The following DOCK10 variants were observed in gnomAD, a reference collection of about 807,000 sequenced individuals.
The protein encoded by DOCK10 is dedicator of cytokinesis protein 10.
Under a neutral mutation model 280.1 loss-of-function variants are expected in DOCK10, and 145 were observed. That is an observed-to-expected ratio of 0.52 (90% CI 0.45 to 0.59). The LOEUF (loss-of-function observed/expected upper bound fraction) is 0.59. Ranked by LOEUF, DOCK10 falls within the 20% of genes least tolerant of loss-of-function variation. The probability of loss-of-function intolerance (pLI) is 0.00; values close to 1 mark genes in which losing one functional copy is unlikely to be tolerated. For missense variants in DOCK10, 2,368 were observed against 2,651.7 expected, an observed-to-expected ratio of 0.89 and a Z score of 2.35; for synonymous variants, 915 against 942.2, an observed-to-expected ratio of 0.97 and a Z score of 0.53.
At chr2:224,811,983 G>C (rs1288559507) in intron 31 of DOCK10, among the ~76,000 whole-genome samples, 6 of 151,938 alleles carry the variant, frequency 3.9e-5, no homozygotes, top group South Asian at 2.1e-4. Context: ...TTTTTTGGTT[G>C]CATATGAACT....
chr2:224,920,839 G>T (rs1183143785), intron 2 of DOCK10, among the ~76,000 whole-genome samples: 1 of 151,532 alleles, frequency 6.6e-6, no homozygotes, highest in Non-Finnish European at 1.5e-5. Context: ...TTATAATTAA[G>T]TAAAACATAA....
intron 3 of DOCK10, among the ~76,000 whole-genome samples, chr2:224,898,740 C>T (rs1036007439): frequency 6.6e-6 from 1 of 152,104 alleles, no homozygotes; most frequent in Non-Finnish European, 1.5e-5. Context: ...CCACGCCGGG[C>T]TAATTTTTTG....
chr2:225,030,482 AC>A (rs1690045949), intron 1 of DOCK10, among the ~76,000 whole-genome samples: 1 of 152,094 alleles, frequency 6.6e-6, no homozygotes, highest in South Asian at 2.1e-4. Context: ...ATTTTTCTGC[AC>A]CCTGCTCGGG....
intron 2 of DOCK10, among the ~76,000 whole-genome samples, chr2:224,919,644 TTG>T (rs984440596): frequency 6.8e-6 from 1 of 146,116 alleles, no homozygotes; most frequent in African/African-American, 2.5e-5. Flanking sequence ...GTGGTGAGTG[TTG>T]TGTGTGTGTA....
At position 224,809,145 on chromosome 2, in the gene DOCK10, C is replaced by T. The variant is rs141986210; in HGVS notation, c.3410-1059G>A. Among the ~76,000 whole-genome samples the T allele has an allele frequency of 4.6e-3, 700 of 152,028 alleles. 7 individuals are homozygous for T. The highest frequency in any genetic ancestry group is 0.015 in the African/African-American group (626 of 41,464). On this transcript the variant is annotated intron_variant, in intron 31 of 55. Transcript: ENST00000258390. Reference sequence around the variant, plus strand: ...CCTGCCAAATTTTGAGCCTGAATTACAGAGAAAAGAATGTTAAAAATTTCC... The same window carrying T: ...CCTGCCAAATTTTGAGCCTGAATTATAGAGAAAAGAATGTTAAAAATTTCC...
intron 1 of DOCK10, among the ~76,000 whole-genome samples, chr2:224,984,894 T>C (rs1170633678): frequency 6.8e-6 from 1 of 147,184 alleles, no homozygotes; most frequent in Non-Finnish European, 1.5e-5. Context: ...CAGGCTGGAG[T>C]ACAGTGGCAG....
intron 26 of DOCK10, among the ~76,000 whole-genome samples, chr2:224,831,840 G>C (rs1695260783): frequency 6.6e-6 from 1 of 152,188 alleles, no homozygotes; most frequent in Non-Finnish European, 1.5e-5. Context: ...TTGGGACAGA[G>C]ATTGAAGCAG....
chr2:224,834,144 T>C lies in DOCK10; in HGVS notation c.2964+6A>G. The C allele has an allele frequency of 1.3e-6, 2 of 1,568,604 alleles. No homozygotes were observed. Among genetic ancestry groups the C allele is most frequent in the East Asian group, 4.5e-5 (2 of 44,644 alleles). ...CACAGTTAAAGGACCATCTTTAAAT[T>C]CTTACCTTTAGGACATGCTTTACTG... On this transcript the variant is annotated splice_donor_region_variant and intron_variant, in intron 26 of 55. Transcript: ENST00000258390.
chr2:224,927,743 G>C (rs1017032515), intron 2 of DOCK10, among the ~76,000 whole-genome samples: 1 of 152,148 alleles, frequency 6.6e-6, no homozygotes, highest in Non-Finnish European at 1.5e-5. Context: ...CACTAGTCTA[G>C]GAAGTGCTGT....
intron 1 of DOCK10, among the ~76,000 whole-genome samples, chr2:225,030,683 G>A (rs1389051311): frequency 6.6e-6 from 1 of 151,986 alleles, no homozygotes; most frequent in African/African-American, 2.4e-5. Flanking sequence ...ATTTTGTTTT[G>A]TTTCTTTTTA....
chr2:224,795,156 A>C (rs893621314), intron 44 of DOCK10, 62 bp from the exon 45 acceptor site: 1 of 1,460,942 alleles, frequency 6.8e-7, no homozygotes, highest in Non-Finnish European at 9.5e-7. Flanking sequence ...ACTGACTTTA[A>C]GTTATGCTAT....
intron 28 of DOCK10, among the ~76,000 whole-genome samples, chr2:224,820,242 C>T (rs764783590): frequency 2.6e-4 from 39 of 152,230 alleles, no homozygotes; most frequent in Non-Finnish European, 2.8e-4. Flanking sequence ...ATTCTCTTTA[C>T]TGTATCAAGG....
At chr2:224,846,925 G>C (rs1489605399) in intron 19 of DOCK10, among the ~76,000 whole-genome samples, 3 of 152,102 alleles carry the variant, frequency 2.0e-5, no homozygotes. Context: ...CCTTTCACAG[G>C]ATCCCCAGAC....
At chr2:224,925,190 A>G (rs1017262822) in intron 2 of DOCK10, among the ~76,000 whole-genome samples, 6 of 151,994 alleles carry the variant, frequency 3.9e-5, no homozygotes, top group Non-Finnish European at 7.4e-5. Context: ...CAGAAAAAAA[A>G]AAAGAAAGAA....
intron 7 of DOCK10, among the ~76,000 whole-genome samples, chr2:224,884,952 C>T (rs1699191292): frequency 6.6e-6 from 1 of 151,960 alleles, no homozygotes; most frequent in South Asian, 2.1e-4. Context: ...TGAGACTTGC[C>T]CCTGCCGCAG....
chr2:225,019,094 T>C (rs376137242), intron 1 of DOCK10, among the ~76,000 whole-genome samples: 4 of 152,168 alleles, frequency 2.6e-5, no homozygotes, highest in East Asian at 1.9e-4. Flanking sequence ...CCTTTATTTT[T>C]GAATTGTTAC....
intron 1 of DOCK10, among the ~76,000 whole-genome samples, chr2:225,034,230 G>A (rs1180051056): frequency 6.6e-6 from 1 of 152,206 alleles, no homozygotes; most frequent in Non-Finnish European, 1.5e-5. Context: ...AGAGTAGTCA[G>A]GAGGAACAGG....
chr2:224,893,628 T>G lies in DOCK10; in HGVS notation c.416+2667A>C, dbSNP rs764646814. ...ATTCTAGCCTGAAGTCATCTATTTCTTCAGTATCTTCCTATGGACCCTCGC... is the reference window on the plus strand; with the variant it reads ...ATTCTAGCCTGAAGTCATCTATTTCGTCAGTATCTTCCTATGGACCCTCGC... On this transcript the variant is annotated intron_variant, in intron 4 of 55. Transcript: ENST00000258390. 6.6e-6 allele frequency: 3 copies of G among 455,904 alleles called. 1 individual carries two copies. Among genetic ancestry groups the G allele is most frequent in the South Asian group, 5.0e-5 (3 of 60,202 alleles). The allele number at this position is 455,904 out of a possible 1,614,324, so 28.2% of individuals were successfully genotyped here. A position where few individuals can be genotyped will look rare whatever the true frequency, so the allele number is the denominator to read the frequency against.
chr2:224,931,654 C>A lies in DOCK10; in HGVS notation c.138G>T (p.Arg46Ser). The A allele has an allele frequency of 1.1e-5, 18 of 1,606,536 alleles. No homozygotes were observed. The highest frequency in any genetic ancestry group is 1.4e-5 in the Non-Finnish European group (16 of 1,176,362). The change falls in exon 2 of 56, where the codon AGG (arginine) becomes AGT (serine). Residue 46 changes from arginine (R) to serine (S), a missense_variant. Physicochemically the swap from Arg to Ser is moderately radical, Grantham distance 110 (BLOSUM62 -1). Around this residue, in one of 2 missense-constraint regions of DOCK10, gnomAD observed 1,209 missense variants for 1,250.9 expected, o/e 0.97. Coordinates refer to ENST00000258390, the MANE Select transcript of DOCK10 (RefSeq NM_014689.3). ...TCTCATAATCCAAAGGCTCGAGAAG[C>A]CTAGGCTTTTCTTGCTGTAGAAAAA... ...SRQQQRQEKP[R>S]LLEPLDYETV... is the part of the protein sequence containing the mutation.
Sources: allele counts gnomAD v4.1 joint callset (sites outside exome capture counted in the v4.1 genomes callset), GRCh38; gene constraint gnomAD v4.1.1; regional missense constraint gnomAD v4.1.1; transcripts MANE v1.5; gene names NCBI Gene and HGNC (gene_info 2026-07-23, HGNC 2026-07-21).